GMPS: variants seen among roughly 807,000 people sequenced by gnomAD.
GMPS encodes the protein guanosine monophosphate synthase, also known as GMP synthase [glutamine-hydrolyzing].
Under a neutral mutation model 77.9 loss-of-function variants are expected in GMPS, and 15 were observed. The observed-to-expected ratio is 0.19, with a 90% CI of 0.13 to 0.30. The LOEUF (loss-of-function observed/expected upper bound fraction) is 0.30, where lower values mean the gene tolerates loss of function less well. Among genes scored for constraint, GMPS ranks in the 10% least tolerant of loss-of-function variants. GMPS has a pLI of 1.00. For synonymous variants in GMPS, 224 were observed against 275.9 expected (o/e 0.81, Z 1.86); for missense variants, 590 against 838.8 (o/e 0.70, Z 3.66).
At chr3:155,893,376 G>A in intron 1 of GMPS, 142 bp from the exon 2 acceptor site, 1 of 577,106 alleles carries the variant, frequency 1.7e-6, no homozygotes, top group South Asian at 2.5e-5. Context: ...TTTAAAAGGG[G>A]TATTTTGAAT....
chr3:155,888,958 C>T (rs1466053810), intron 1 of GMPS, among the ~76,000 whole-genome samples: 6 of 152,036 alleles, frequency 3.9e-5, no homozygotes, highest in Admixed American at 6.6e-5. Context: ...TGGGCTCAAG[C>T]GATCTGCCTC....
chr3:155,937,462 A>C, intron 15 of GMPS, 129 bp from the exon 16 acceptor site: 1 of 613,382 alleles, frequency 1.6e-6, no homozygotes. Flanking sequence ...TTAATCAGAA[A>C]CCATCCCATA....
At chr3:155,915,200 C>G (rs1280128554) in intron 8 of GMPS, among the ~76,000 whole-genome samples, 2 of 151,096 alleles carry the variant, frequency 1.3e-5, no homozygotes, top group Non-Finnish European at 2.9e-5. Context: ...TGGCTAATTT[C>G]AAGCTCTTGA....
chr3:155,901,862 C>A (rs375124607), intron 3 of GMPS, among the ~76,000 whole-genome samples: 1 of 152,036 alleles, frequency 6.6e-6, no homozygotes, highest in Non-Finnish European at 1.5e-5. Context: ...CTTTTCCCAA[C>A]TATATATATT....
rs1056313870 is a variant in GMPS at position 155,939,020 on chromosome 3, A to G, written c.*1328A>G. On this transcript the variant is annotated 3_prime_UTR_variant, in exon 16 of 16. Coordinates refer to ENST00000496455, the MANE Select transcript of GMPS (RefSeq NM_003875.3). ...AGGAATGAAATTTTATTTGGGATTC[A>G]GTGTTAGACAAACAACAAAATGATG... The G allele has an allele frequency of 3.2e-5, 7 of 218,596 alleles. No homozygotes were observed. The highest frequency in any genetic ancestry group is 6.4e-5 in the Non-Finnish European group (7 of 108,878). The allele number at this position is 218,596 out of a possible 1,614,324, so 13.5% of individuals were successfully genotyped here.
intron 1 of GMPS, among the ~76,000 whole-genome samples, chr3:155,884,801 G>A (rs1341983104): frequency 6.6e-6 from 1 of 152,194 alleles, no homozygotes; most frequent in Non-Finnish European, 1.5e-5. Flanking sequence ...TGGGGTTCTG[G>A]CTGTCTTTAG....
At chr3:155,911,069 T>A in intron 6 of GMPS, 45 bp from the exon 7 acceptor site, 1 of 1,479,114 alleles carries the variant, frequency 6.8e-7, no homozygotes, top group Non-Finnish European at 9.3e-7. Context: ...GTTTATTTTC[T>A]TTTTGCTTGT....
At chr3:155,917,689 A>G (rs1222287334) in intron 9 of GMPS, among the ~76,000 whole-genome samples, 1 of 152,040 alleles carries the variant, frequency 6.6e-6, no homozygotes, top group Non-Finnish European at 1.5e-5. Context: ...CCTGGTCAAC[A>G]TGATGAAACC....
chr3:155,936,196 C>T (rs1755761468), intron 14 of GMPS, 142 bp from the exon 15 acceptor site: 1 of 607,364 alleles, frequency 1.6e-6, no homozygotes. Flanking sequence ...CTGCGAGTAG[C>T]TGAAATCAAT....
chr3:155,894,508 G>C (rs1754554005), intron 2 of GMPS, among the ~76,000 whole-genome samples: 1 of 152,062 alleles, frequency 6.6e-6, no homozygotes, highest in Non-Finnish European at 1.5e-5. Flanking sequence ...ACCGGCGTGA[G>C]CCACCGTGCC....
chr3:155,902,122 A>G (rs1467399862), intron 3 of GMPS, among the ~76,000 whole-genome samples: 1 of 152,204 alleles, frequency 6.6e-6, no homozygotes, highest in Non-Finnish European at 1.5e-5. Context: ...GGGTTTATCC[A>G]GGAATCCATA....
At chr3:155,911,612 G>A (rs775155622) in intron 7 of GMPS, among the ~76,000 whole-genome samples, 1 of 152,046 alleles carries the variant, frequency 6.6e-6, no homozygotes, top group Non-Finnish European at 1.5e-5. Flanking sequence ...CAAGGTGGGT[G>A]GATCACCTGA....
chr3:155,907,501 A>C (rs1420462795), intron 5 of GMPS, among the ~76,000 whole-genome samples: 1 of 152,068 alleles, frequency 6.6e-6, no homozygotes, highest in African/African-American at 2.4e-5. Context: ...AGGTGGGAGA[A>C]TCATTTGGCC....
At chr3:155,937,319 A>T (rs1326739848) in intron 15 of GMPS, among the ~76,000 whole-genome samples, 1 of 152,240 alleles carries the variant, frequency 6.6e-6, no homozygotes, top group African/African-American at 2.4e-5. Context: ...TGGCTCAGTC[A>T]CAAACACAAC....
intron 7 of GMPS, among the ~76,000 whole-genome samples, chr3:155,913,417 C>T (rs1037200561): frequency 4.6e-5 from 7 of 152,068 alleles, no homozygotes; most frequent in Admixed American, 6.6e-5. Context: ...GCTTTGACTC[C>T]GTTTAGGAGC....
At chr3:155,920,799 G>A (rs1446958905) in intron 10 of GMPS, among the ~76,000 whole-genome samples, 2 of 152,152 alleles carry the variant, frequency 1.3e-5, no homozygotes, top group Non-Finnish European at 2.9e-5. Context: ...TAAAGGTAAA[G>A]AATGGACTAG....
At chr3:155,916,412 C>G (rs1173578532) in intron 9 of GMPS, among the ~76,000 whole-genome samples, 1 of 152,072 alleles carries the variant, frequency 6.6e-6, no homozygotes, top group Non-Finnish European at 1.5e-5. Flanking sequence ...CCAGCTCCTC[C>G]TTTCCTCCTT....
At position 155,939,265 on chromosome 3, in the gene GMPS, CA is replaced by C; in HGVS notation, c.*1574del. 1 of 218,270 alleles carries C rather than the reference CA, an allele frequency of 4.6e-6. No homozygotes were observed. The allele number at this position is 218,270 out of a possible 1,614,324, so 13.5% of individuals were successfully genotyped here. A position where few individuals can be genotyped will look rare whatever the true frequency, so the allele number is the denominator to read the frequency against. ...GGCTATGTTAGTGATCTGGTCTTTACAGATTTAGAGTCATGTTATTTGAAAG... is the reference window on the plus strand; with the variant it reads ...GGCTATGTTAGTGATCTGGTCTTTACGATTTAGAGTCATGTTATTTGAAAG... On this transcript the variant is annotated 3_prime_UTR_variant, in exon 16 of 16. Transcript: ENST00000496455.
chr3:155,924,107 C>G (rs556721870), intron 11 of GMPS, among the ~76,000 whole-genome samples: 1 of 152,180 alleles, frequency 6.6e-6, no homozygotes, highest in East Asian at 1.9e-4. Flanking sequence ...CTCAAACTCC[C>G]GACCTCAGGT....
Sources: gnomAD v4.1 joint callset for allele counts (sites outside exome capture counted in the v4.1 genomes callset) on GRCh38, gnomAD v4.1.1 for gene constraint, MANE v1.5 for transcripts, NCBI Gene and HGNC (gene_info 2026-07-23, HGNC 2026-07-21) for gene names.